Variants in NRG1 observed in about 807,000 individuals in gnomAD.
NRG1 encodes the protein pro-neuregulin-1, membrane-bound isoform.
In NRG1, 18 loss-of-function variants were observed where a neutral mutation model predicts 63.8. The ratio of observed to expected loss-of-function variants is 0.28; its 90% CI spans 0.19 to 0.42. NRG1 has a LOEUF of 0.42. Among genes scored for constraint, NRG1 ranks in the 10% least tolerant of loss-of-function variants. NRG1 has a pLI of 1.00. For missense variants in NRG1, 762 were observed against 814.7 expected (o/e 0.94, Z 0.79); for synonymous variants, 302 against 301.3 (o/e 1.00, Z -0.02).
chr8:32,182,400 C>A (rs1186128077), intron 1 of NRG1, among the ~76,000 whole-genome samples: 1 of 152,168 alleles, frequency 6.6e-6, no homozygotes, highest in Non-Finnish European at 1.5e-5. Flanking sequence ...GCATGCGCCA[C>A]CATACCCAGC....
intron 1 of NRG1, among the ~76,000 whole-genome samples, chr8:32,518,715 G>GA (rs1588085185): frequency 6.6e-6 from 1 of 151,704 alleles, no homozygotes; most frequent in Non-Finnish European, 1.5e-5. Flanking sequence ...TGAAAACCAA[G>GA]AAAAAAAGGT....
intron 1 of NRG1, among the ~76,000 whole-genome samples, chr8:32,366,677 G>GTGTGTGTGTGTGTATATA (rs1164696498): frequency 1.1e-5 from 1 of 87,522 alleles, no homozygotes; most frequent in African/African-American, 4.6e-5. Context: ...GTGTGTGTGT[G>GTGTGTGTGTGTGTATATA]TATATATATA....
In NRG1 at chr8:32,356,486, C is replaced by G. The variant is rs985185716; in HGVS notation, c.38-239342C>G. 1.9e-3 allele frequency among the ~76,000 whole-genome samples: 89 copies of G among 48,054 alleles called. 2 individuals carry two copies. The South Asian group carries it at 0.044, about 24-fold the overall frequency. 31.5% of individuals were successfully genotyped at this position (48,054 alleles called of 152,430 possible). The stretch of plus-strand genomic sequence containing the variant: ...TTTCCTTGTTGGGACCCCCCCCCCA[C>G]CCGCCGGGCCCCACCCCGTTGATAT... On this transcript the variant is annotated intron_variant, in intron 1 of 10. Coordinates refer to the NRG1 transcript ENST00000519301.
At chr8:31,697,460 C>T (rs1057031462) in intron 1 of NRG1, among the ~76,000 whole-genome samples, 5 of 152,204 alleles carry the variant, frequency 3.3e-5, no homozygotes, top group Admixed American at 3.3e-4. Context: ...ATTATGATCC[C>T]GTTATCAATT....
chr8:32,170,323 G>T (rs563374916), intron 1 of NRG1, among the ~76,000 whole-genome samples: 1 of 152,210 alleles, frequency 6.6e-6, no homozygotes, highest in African/African-American at 2.4e-5. Context: ...ACAACTTGAG[G>T]CAAGATGCGT....
chr8:32,754,439 C>G, exon 8 of NRG1: 2 of 1,613,774 alleles, frequency 1.2e-6, no homozygotes, highest in South Asian at 1.1e-5. Context: ...TCCTTGTGGT[C>G]GGCATCATGT....
At chr8:32,223,993 C>A (rs1846079407) in intron 1 of NRG1, among the ~76,000 whole-genome samples, 1 of 152,134 alleles carries the variant, frequency 6.6e-6, no homozygotes, top group Admixed American at 6.5e-5. Context: ...CTCTGCCCAG[C>A]TTTGTTTATA....
At chr8:31,938,219 G>A (rs115550849) in intron 1 of NRG1, among the ~76,000 whole-genome samples, 2,014 of 152,194 alleles carry the variant, frequency 0.013, 31 homozygotes, top group South Asian at 0.085. Flanking sequence ...ACCTGAAGAG[G>A]GATCGCATCA....
intron 1 of NRG1, among the ~76,000 whole-genome samples, chr8:31,843,596 G>A (rs370932081): frequency 6.6e-6 from 1 of 152,104 alleles, no homozygotes; most frequent in East Asian, 1.9e-4. Flanking sequence ...ATAGAGTTTG[G>A]GGGAGGGCTG....
At chr8:31,917,601 T>G (rs1833514482) in intron 1 of NRG1, among the ~76,000 whole-genome samples, 1 of 152,152 alleles carries the variant, frequency 6.6e-6, no homozygotes, top group Admixed American at 6.5e-5. Context: ...CTGTTTTGGT[T>G]ACTGTAGCCT....
chr8:32,200,295 C>T (rs720684), intron 1 of NRG1, among the ~76,000 whole-genome samples: 69,012 of 151,930 alleles, frequency 0.45, 17,262 homozygotes, highest in Admixed American at 0.57. Flanking sequence ...CATTGTTGCT[C>T]TTGATGGTTT....
At chr8:32,608,092 G>GGTTTGTTTTTTTTTT (rs1563756273) in intron 3 of NRG1, among the ~76,000 whole-genome samples, 1 of 106,158 alleles carries the variant, frequency 9.4e-6, no homozygotes, top group African/African-American at 3.4e-5. Context: ...GGTTTTTTTT[G>GGTTTGTTTTTTTTTT]TTTTTTTTTT....
chr8:32,454,410 A>G (rs1415771683), intron 1 of NRG1, among the ~76,000 whole-genome samples: 1 of 152,014 alleles, frequency 6.6e-6, no homozygotes, highest in Non-Finnish European at 1.5e-5. Flanking sequence ...CTTTTTTGAC[A>G]TGTATTATTT....
At chr8:32,041,920 G>A (rs1820129993) in intron 1 of NRG1, among the ~76,000 whole-genome samples, 1 of 152,094 alleles carries the variant, frequency 6.6e-6, no homozygotes, top group African/African-American at 2.4e-5. Flanking sequence ...TCCTAGATAG[G>A]GTACCGAAGA....
At chr8:32,075,632 TA>T (rs1403774800) in intron 1 of NRG1, among the ~76,000 whole-genome samples, 1 of 152,104 alleles carries the variant, frequency 6.6e-6, no homozygotes, top group Non-Finnish European at 1.5e-5. Context: ...AAATTAATAT[TA>T]TTTTTTAATA....
chr8:31,834,165 C>T (rs1028474352), intron 1 of NRG1, among the ~76,000 whole-genome samples: 1 of 152,176 alleles, frequency 6.6e-6, no homozygotes, highest in Non-Finnish European at 1.5e-5. Flanking sequence ...CTGCTGTCTG[C>T]CTGTCAAGGT....
intron 1 of NRG1, among the ~76,000 whole-genome samples, chr8:31,789,776 T>C (rs1022673167): frequency 1.3e-5 from 2 of 152,202 alleles, no homozygotes; most frequent in African/African-American, 4.8e-5. Context: ...TGTAATCCTA[T>C]AAGAATATGA....
intron 1 of NRG1, among the ~76,000 whole-genome samples, chr8:32,417,437 T>A (rs7012910): frequency 0.41 from 61,851 of 151,722 alleles, 12,938 homozygotes; most frequent in Admixed American, 0.46. Flanking sequence ...AGGGTTCTAA[T>A]TCTTTGGTTT....
chr8:32,557,233 T>C (rs1835363220), intron 1 of NRG1, among the ~76,000 whole-genome samples: 1 of 152,174 alleles, frequency 6.6e-6, no homozygotes, highest in Non-Finnish European at 1.5e-5. Context: ...GGTCTCGATC[T>C]CCTGACCTTG....
Sources: gnomAD v4.1 joint callset for allele counts (sites outside exome capture counted in the v4.1 genomes callset) on GRCh38, gnomAD v4.1.1 for gene constraint, MANE v1.5 for transcripts, NCBI Gene and HGNC (gene_info 2026-07-23, HGNC 2026-07-21) for gene names.